Variants in GRM7 observed in about 807,000 individuals in gnomAD.
GRM7 encodes the protein glutamate metabotropic receptor 7.
Under a neutral mutation model 84.5 loss-of-function variants are expected in GRM7, and 35 were observed. That is an observed-to-expected ratio of 0.41 (90% CI 0.32 to 0.55). GRM7 has a LOEUF of 0.55. GRM7 is among the 20% of genes least tolerant of loss of function. The pLI, the probability that GRM7 is intolerant of heterozygous loss-of-function variation, is 0.19. For missense variants in GRM7, 1,003 were observed against 1,194.6 expected, an observed-to-expected ratio of 0.84 and a Z score of 2.36; for synonymous variants, 487 against 455.1, an observed-to-expected ratio of 1.07 and a Z score of -0.89.
intron 1 of GRM7, among the ~76,000 whole-genome samples, chr3:6,930,859 C>A (rs925057258): frequency 6.6e-6 from 1 of 152,192 alleles, no homozygotes; most frequent in Non-Finnish European, 1.5e-5. Flanking sequence ...ATACTAGCTG[C>A]TGGCCCATGT....
intron 1 of GRM7, among the ~76,000 whole-genome samples, chr3:6,906,878 T>C (rs1040379180): frequency 6.6e-6 from 1 of 152,174 alleles, no homozygotes; most frequent in Non-Finnish European, 1.5e-5. Flanking sequence ...TTAGGTATAA[T>C]TGATATACAA....
chr3:7,208,614 A>G (rs1393605159), intron 2 of GRM7, among the ~76,000 whole-genome samples: 2 of 152,180 alleles, frequency 1.3e-5, no homozygotes, highest in Non-Finnish European at 2.9e-5. Flanking sequence ...TATAATAAAC[A>G]CTAGCTGATA....
intron 1 of GRM7, among the ~76,000 whole-genome samples, chr3:7,104,093 C>A (rs572845795): frequency 2.6e-5 from 4 of 151,488 alleles, no homozygotes; most frequent in Admixed American, 2.0e-4. Context: ...TGAGGGTAGT[C>A]GTCTTATGAT....
intron 1 of GRM7, among the ~76,000 whole-genome samples, chr3:7,103,835 TCTCTCC>T (rs1699207031): frequency 7.8e-6 from 1 of 129,008 alleles, no homozygotes; most frequent in African/African-American, 3.9e-5. Context: ...TCTCTGTCTC[TCTCTCC>T]CTCTCTCTCT....
chr3:7,053,648 T>C (rs1466647474), intron 1 of GRM7, among the ~76,000 whole-genome samples: 21 of 151,640 alleles, frequency 1.4e-4, no homozygotes, highest in Admixed American at 1.4e-3. Flanking sequence ...TTTTGGTTGA[T>C]TGCCTTCTTT....
At chr3:7,349,747 G>A (rs1261144792) in intron 4 of GRM7, among the ~76,000 whole-genome samples, 1 of 152,054 alleles carries the variant, frequency 6.6e-6, no homozygotes, top group Non-Finnish European at 1.5e-5. Flanking sequence ...TTATATTTGA[G>A]CAATTGCATA....
chr3:7,378,329 T>C lies in GRM7; in HGVS notation c.1034-36694T>C, dbSNP rs78501791. ...GAGATGAAAAATAAAGAAACACTGA[T>C]GTTTTAAGATATTTTGTGTCTAGAA... is the stretch of plus-strand genomic sequence containing the variant. On this transcript the variant is annotated intron_variant, in intron 4 of 9. Coordinates refer to ENST00000357716, the MANE Select transcript of GRM7 (RefSeq NM_000844.4). Among the ~76,000 whole-genome samples, 1,181 of 152,342 alleles carry C rather than the reference T, an allele frequency of 7.8e-3. 17 individuals carry two copies. The highest frequency in any genetic ancestry group is 0.027 in the African/African-American group (1,122 of 41,576).
chr3:7,344,714 TA>T (rs1261651188), intron 4 of GRM7, among the ~76,000 whole-genome samples: 2 of 152,106 alleles, frequency 1.3e-5, no homozygotes, highest in Non-Finnish European at 1.5e-5. Flanking sequence ...ATGTGAAAAC[TA>T]AAAATGTTGA....
rs1208334636 is a variant in GRM7, at chr3:7,122,490, T to C, written c.520-23962T>C. 6.6e-5 allele frequency among the ~76,000 whole-genome samples: 10 copies of C among 152,302 alleles called. No individual in the cohort carries two copies. In the East Asian group the frequency reaches 1.3e-3, roughly 21 times the overall value. On this transcript the variant is annotated intron_variant, in intron 1 of 9. Coordinates refer to ENST00000357716, the MANE Select transcript of GRM7 (RefSeq NM_000844.4). ...ACTAAAACAAATATTAAAAATTAAT[T>C]AAAATATTTTTATCTGTGTTTTAAT...
chr3:7,240,966 C>G (rs1446087495), intron 2 of GRM7, among the ~76,000 whole-genome samples: 1 of 152,120 alleles, frequency 6.6e-6, no homozygotes, highest in East Asian at 1.9e-4. Context: ...GAGCAATAGG[C>G]TATACCATGT....
At chr3:7,131,800 A>G (rs571698233) in intron 1 of GRM7, among the ~76,000 whole-genome samples, 4 of 152,214 alleles carry the variant, frequency 2.6e-5, no homozygotes, top group South Asian at 4.1e-4. Context: ...TGTGTATTTT[A>G]TTAGTCCAGA....
chr3:7,104,394 C>T (rs140735049), intron 1 of GRM7, among the ~76,000 whole-genome samples: 11 of 151,676 alleles, frequency 7.3e-5, no homozygotes, highest in Admixed American at 7.2e-4. Flanking sequence ...ATTTTTAAGC[C>T]ACCAATTTTA....
intron 9 of GRM7, among the ~76,000 whole-genome samples, chr3:7,716,649 T>C (rs1701780144): frequency 6.6e-6 from 1 of 152,114 alleles, no homozygotes; most frequent in African/African-American, 2.4e-5. Context: ...ATACCTAACA[T>C]TTGGACATCC....
intron 8 of GRM7, among the ~76,000 whole-genome samples, chr3:7,667,101 C>CA (rs1189377243): frequency 1.3e-5 from 2 of 151,720 alleles, no homozygotes; most frequent in East Asian, 3.9e-4. Flanking sequence ...TCTGTCTCTA[C>CA]AAAAAACAAA....
At chr3:7,577,377 A>G (rs1456981190) in intron 7 of GRM7, among the ~76,000 whole-genome samples, 1 of 152,184 alleles carries the variant, frequency 6.6e-6, no homozygotes, top group African/African-American at 2.4e-5. Context: ...GAACCACTAC[A>G]ATATACTAAT....
chr3:6,901,467 G>A (rs1420693353), intron 1 of GRM7, among the ~76,000 whole-genome samples: 5 of 151,838 alleles, frequency 3.3e-5, no homozygotes, highest in Non-Finnish European at 5.9e-5. Context: ...GCGTGGTGGT[G>A]CGTGCCTGTA....
chr3:7,022,877 T>G (rs1184526757), intron 1 of GRM7, among the ~76,000 whole-genome samples: 1 of 152,098 alleles, frequency 6.6e-6, no homozygotes, highest in East Asian at 1.9e-4. Flanking sequence ...CATACAAAAT[T>G]TATTAATGTA....
At chr3:6,974,386 G>C (rs995205137) in intron 1 of GRM7, among the ~76,000 whole-genome samples, 5 of 152,196 alleles carry the variant, frequency 3.3e-5, no homozygotes, top group African/African-American at 4.8e-5. Context: ...CAATTTGGGA[G>C]CTGTCAGCCT....
intron 3 of GRM7, among the ~76,000 whole-genome samples, chr3:7,302,504 C>T (rs1224021849): frequency 6.6e-6 from 1 of 152,038 alleles, no homozygotes; most frequent in Non-Finnish European, 1.5e-5. Flanking sequence ...CCCTACCTTT[C>T]TCTTCAAACT....
Sources: allele counts gnomAD v4.1 joint callset (sites outside exome capture counted in the v4.1 genomes callset), GRCh38; gene constraint gnomAD v4.1.1; transcripts MANE v1.5; gene names NCBI Gene and HGNC (gene_info 2026-07-23, HGNC 2026-07-21).